The following ADCK1 variants were observed in gnomAD, a reference collection of about 807,000 sequenced individuals.
ADCK1 encodes aarF domain containing kinase 1.
Under a neutral mutation model 52.3 loss-of-function variants are expected in ADCK1, and 41 were observed. The ratio of observed to expected loss-of-function variants is 0.78; its 90% confidence interval spans 0.61 to 1.02. The LOEUF is 1.02. Among genes scored for constraint, ADCK1 ranks in the 50% least tolerant of loss-of-function variants. The probability of loss-of-function intolerance (pLI) is 0.00; values close to 1 mark genes in which losing one functional copy is unlikely to be tolerated. For synonymous variants in ADCK1, 250 were observed against 274.6 expected, an observed-to-expected ratio of 0.91 and a Z score of 0.89; for missense variants, 658 against 679.5, an observed-to-expected ratio of 0.97 and a Z score of 0.35.
At chr14:77,845,427 T>C (rs1185339837) in intron 3 of ADCK1, among the ~76,000 whole-genome samples, 3 of 152,174 alleles carry the variant, frequency 2.0e-5, no homozygotes, top group Non-Finnish European at 4.4e-5. Flanking sequence ...CCTTTTTTTT[T>C]CTTCCTTTTT....
At chr14:77,915,604 T>G (rs1045614300) in intron 7 of ADCK1, among the ~76,000 whole-genome samples, 1 of 152,160 alleles carries the variant, frequency 6.6e-6, no homozygotes. Flanking sequence ...GTTCACGTCC[T>G]TTGTAGGGAC....
chr14:77,846,489 A>G (rs989694269), intron 3 of ADCK1, among the ~76,000 whole-genome samples: 2 of 152,224 alleles, frequency 1.3e-5, no homozygotes, highest in African/African-American at 4.8e-5. Context: ...TGACCCCTGC[A>G]TGATTCAAGA....
chr14:77,804,671 A>C (rs2081181854), intron 1 of ADCK1, among the ~76,000 whole-genome samples: 1 of 151,906 alleles, frequency 6.6e-6, no homozygotes, highest in Non-Finnish European at 1.5e-5. Context: ...TGTGGTTTTC[A>C]CCTGGGGACC....
chr14:77,879,182 G>A (rs1346372678), intron 4 of ADCK1, among the ~76,000 whole-genome samples: 1 of 152,142 alleles, frequency 6.6e-6, no homozygotes, highest in Non-Finnish European at 1.5e-5. Flanking sequence ...ATGAGGACAG[G>A]GGAAATCTAA....
At position 77,894,736 on chromosome 14, in the gene ADCK1, G is replaced by GTTTTTTTTTTT; in HGVS notation, c.583-4346_583-4336dup. 2.7e-4 allele frequency among the ~76,000 whole-genome samples: 10 copies of GTTTTTTTTTTT among 36,474 alleles called. 1 individual carries two copies. The highest frequency in any genetic ancestry group is 1.0e-3 in the East Asian group (1 of 954). 23.9% of individuals were successfully genotyped at this position (36,474 alleles called of 152,430 possible). Reference sequence around the variant, plus strand: ...TTATTTCTTTTTCTTTTCTTTTCTTGTTTTTTTTTTTTTTTTTTTTTTTTT... The same window carrying GTTTTTTTTTTT: ...TTATTTCTTTTTCTTTTCTTTTCTTGTTTTTTTTTTTTTTTTTTTTTTTTTTTTTTTTTTTT... On this transcript the variant is annotated intron_variant, in intron 5 of 10. Transcript: ENST00000238561.
chr14:77,933,176 T>C, intron 10 of ADCK1, 44 bp from the exon 11 acceptor site: 1 of 1,596,278 alleles, frequency 6.3e-7, no homozygotes, highest in Non-Finnish European at 8.6e-7. Context: ...TAGTGTTTCT[T>C]GCCTCTTTAT....
intron 3 of ADCK1, among the ~76,000 whole-genome samples, chr14:77,842,159 A>T (rs1040052038): frequency 8.6e-5 from 13 of 151,912 alleles, no homozygotes; most frequent in Middle Eastern, 6.8e-3. Context: ...TATTATTATT[A>T]TTTTTTTTGC....
chr14:77,876,662 A>T (rs2082906519), intron 4 of ADCK1, among the ~76,000 whole-genome samples: 1 of 152,152 alleles, frequency 6.6e-6, no homozygotes, highest in South Asian at 2.1e-4. Context: ...CGCCCCAGTA[A>T]ACCACAGGTC....
At chr14:77,811,867 A>G (rs1005152675) in intron 1 of ADCK1, among the ~76,000 whole-genome samples, 7 of 152,238 alleles carry the variant, frequency 4.6e-5, no homozygotes, top group African/African-American at 1.7e-4. Flanking sequence ...TCCTTGGCTT[A>G]TTAAAATATT....
Position 77,867,204 on chromosome 14 carries a change from C to T in ADCK1, c.423+7925C>T, listed in dbSNP as rs539324050. On this transcript the variant is annotated intron_variant, in intron 4 of 10. Transcript: ENST00000238561. The stretch of plus-strand genomic sequence containing the variant: ...CCCAAAGCTACCTGGAAACCTTTGG[C>T]GGTCTGTAGACTTGCTTCTCCTGGT... 3.3e-5 allele frequency among the ~76,000 whole-genome samples: 5 copies of T among 152,298 alleles called. No individual in the cohort carries two copies. In the East Asian group the frequency reaches 7.7e-4, roughly 24 times the overall value.
rs118059154 is a variant in ADCK1, at chr14:77,875,613, G to A, written c.424-11478G>A. ...TCAACAGCTAGAGCTGCTCCTGCAC[G>A]TCAGCCACGAAGTCCTCATAGTGAT... On this transcript the variant is annotated intron_variant, in intron 4 of 10. Transcript: ENST00000238561. Among the ~76,000 whole-genome samples the A allele has an allele frequency of 6.5e-4, 99 of 152,292 alleles. No individual in the cohort carries two copies. The East Asian group carries it at 0.017, about 26-fold the overall frequency.
intron 4 of ADCK1, among the ~76,000 whole-genome samples, chr14:77,863,625 T>C: frequency 6.6e-6 from 1 of 151,920 alleles, no homozygotes; most frequent in East Asian, 1.9e-4. Context: ...TCACTTGAGG[T>C]CAAGAGTTCG....
rs140122073 is a variant in ADCK1 at position 77,869,761 on chromosome 14, C to T, written c.423+10482C>T. ...TGTCTTCTGGGACTCTTGTATCTCT[C>T]CCAGCAACTTCTGTCTGTGGGTCAG... On this transcript the variant is annotated intron_variant, in intron 4 of 10. Coordinates refer to ENST00000238561, the MANE Select transcript of ADCK1 (RefSeq NM_020421.4). 7.1e-3 allele frequency among the ~76,000 whole-genome samples: 1,084 copies of T among 152,220 alleles called. 13 individuals are homozygous for T. Among genetic ancestry groups the T allele is most frequent in the African/African-American group, 0.025 (1,042 of 41,530 alleles).
At chr14:77,807,737 G>A (rs144615223) in intron 1 of ADCK1, among the ~76,000 whole-genome samples, 1 of 151,714 alleles carries the variant, frequency 6.6e-6, no homozygotes, top group Non-Finnish European at 1.5e-5. Context: ...TTGAACTCCC[G>A]ATCTCAGGTG....
chr14:77,803,077 CTT>C (rs1418210096), intron 1 of ADCK1, among the ~76,000 whole-genome samples: 2 of 152,190 alleles, frequency 1.3e-5, no homozygotes, highest in Non-Finnish European at 2.9e-5. Flanking sequence ...TCTTTGGCAT[CTT>C]TCCAGACTTG....
chr14:77,892,056 C>T (rs937320649), intron 5 of ADCK1, among the ~76,000 whole-genome samples: 2 of 152,142 alleles, frequency 1.3e-5, no homozygotes, highest in Non-Finnish European at 2.9e-5. Flanking sequence ...ATAGCCTCTA[C>T]GTCTCCTTTC....
intron 1 of ADCK1, among the ~76,000 whole-genome samples, chr14:77,811,624 G>C (rs2081340465): frequency 6.6e-6 from 1 of 152,138 alleles, no homozygotes; most frequent in Non-Finnish European, 1.5e-5. Context: ...GCAACATAGA[G>C]AGACCCTGTC....
intron 7 of ADCK1, among the ~76,000 whole-genome samples, chr14:77,922,294 C>A (rs555835095): frequency 6.6e-6 from 1 of 152,174 alleles, no homozygotes; most frequent in Non-Finnish European, 1.5e-5. Context: ...AGAACTTGAC[C>A]TGGGGCAAAG....
At chr14:77,925,452 G>A (rs1022857460) in intron 8 of ADCK1, among the ~76,000 whole-genome samples, 4 of 152,196 alleles carry the variant, frequency 2.6e-5, no homozygotes, top group African/African-American at 9.7e-5. Context: ...GCCACATTCC[G>A]TCAGTTGGGC....
Sources: gnomAD v4.1 joint callset for allele counts (sites outside exome capture counted in the v4.1 genomes callset) on GRCh38, gnomAD v4.1.1 for gene constraint, MANE v1.5 for transcripts, NCBI Gene and HGNC (gene_info 2026-07-23, HGNC 2026-07-21) for gene names.